The following GRM3 variants were observed in gnomAD, a reference collection of about 807,000 sequenced individuals.
The protein encoded by GRM3 is metabotropic glutamate receptor 3.
GRM3 carries 26 observed loss-of-function variants against 70.5 expected under a neutral mutation model. That is an observed-to-expected ratio of 0.37 (90% CI 0.27 to 0.51). The LOEUF (loss-of-function observed/expected upper bound fraction) is 0.51, where lower values mean the gene tolerates loss of function less well. GRM3 is among the 20% of genes least tolerant of loss of function. The pLI, the probability that GRM3 is intolerant of heterozygous loss-of-function variation, is 0.93. For synonymous variants in GRM3, 443 were observed against 434.9 expected, an observed-to-expected ratio of 1.02 and a Z score of -0.23; for missense variants, 859 against 1,123.8, an observed-to-expected ratio of 0.76 and a Z score of 3.37.
intron 2 of GRM3, among the ~76,000 whole-genome samples, chr7:86,768,963 T>C (rs1796673108): frequency 6.6e-6 from 1 of 152,196 alleles, no homozygotes; most frequent in South Asian, 2.1e-4. Flanking sequence ...TTAAAGTGTG[T>C]TATTCCTTTG....
At chr7:86,689,647 AT>A (rs1794651784) in intron 1 of GRM3, among the ~76,000 whole-genome samples, 1 of 152,138 alleles carries the variant, frequency 6.6e-6, no homozygotes, top group Admixed American at 6.6e-5. Flanking sequence ...TTGGAAAAAA[AT>A]ATAAGATACT....
chr7:86,810,093 T>C (rs1797879909), intron 3 of GRM3, among the ~76,000 whole-genome samples: 1 of 152,076 alleles, frequency 6.6e-6, no homozygotes, highest in Non-Finnish European at 1.5e-5. Flanking sequence ...ACTAGCACTG[T>C]TGCCTTTTCA....
At chr7:86,818,686 C>T (rs1481018157) in intron 3 of GRM3, among the ~76,000 whole-genome samples, 1 of 151,994 alleles carries the variant, frequency 6.6e-6, no homozygotes, top group Non-Finnish European at 1.5e-5. Context: ...ATCCAGTAGA[C>T]TAAAGATATT....
intron 1 of GRM3, among the ~76,000 whole-genome samples, chr7:86,736,017 AC>A (rs1795849084): frequency 6.6e-6 from 1 of 152,212 alleles, no homozygotes; most frequent in Admixed American, 6.5e-5. Flanking sequence ...ACCAGAACTA[AC>A]CCATGGTCTT....
At chr7:86,679,816 G>C (rs1343093840) in intron 1 of GRM3, among the ~76,000 whole-genome samples, 2 of 151,906 alleles carry the variant, frequency 1.3e-5, no homozygotes, top group Non-Finnish European at 2.9e-5. Context: ...CTAAAAATAA[G>C]AATCATTTCA....
chr7:86,823,074 T>C (rs1406101388), intron 3 of GRM3, among the ~76,000 whole-genome samples: 1 of 152,054 alleles, frequency 6.6e-6, no homozygotes, highest in African/African-American at 2.4e-5. Flanking sequence ...TTTTAGAGAA[T>C]TGTGAACCAG....
intron 1 of GRM3, among the ~76,000 whole-genome samples, chr7:86,726,246 C>G (rs1795590707): frequency 6.6e-6 from 1 of 152,160 alleles, no homozygotes; most frequent in Non-Finnish European, 1.5e-5. Flanking sequence ...GGTGTTGGCC[C>G]TCACCCCAAA....
At chr7:86,778,118 C>T (rs1213368350) in intron 2 of GRM3, among the ~76,000 whole-genome samples, 1 of 152,114 alleles carries the variant, frequency 6.6e-6, no homozygotes, top group Non-Finnish European at 1.5e-5. Flanking sequence ...AGGTGAACAG[C>T]AGAGAATAAA....
At chr7:86,703,830 A>C (rs548827655) in intron 1 of GRM3, among the ~76,000 whole-genome samples, 1 of 152,078 alleles carries the variant, frequency 6.6e-6, no homozygotes, top group South Asian at 2.1e-4. Flanking sequence ...AAATGGGCTT[A>C]TAACTTTTTA....
At chr7:86,665,693 A>T (rs932808023) in intron 1 of GRM3, among the ~76,000 whole-genome samples, 1 of 152,052 alleles carries the variant, frequency 6.6e-6, no homozygotes, top group Non-Finnish European at 1.5e-5. Flanking sequence ...GTTTATGAAG[A>T]TTCTATGTGT....
intron 1 of GRM3, among the ~76,000 whole-genome samples, chr7:86,661,346 G>T (rs1793888702): frequency 6.6e-6 from 1 of 151,932 alleles, no homozygotes; most frequent in Non-Finnish European, 1.5e-5. Context: ...CTTTAACTTA[G>T]TGTACTTTGG....
At chr7:86,717,672 G>A (rs1013687541) in intron 1 of GRM3, among the ~76,000 whole-genome samples, 19 of 151,936 alleles carry the variant, frequency 1.3e-4, no homozygotes, top group African/African-American at 4.6e-4. Context: ...TTGCTCTAAA[G>A]GCAAACCACA....
At chr7:86,754,702 G>A (rs573602903) in intron 1 of GRM3, among the ~76,000 whole-genome samples, 1 of 152,168 alleles carries the variant, frequency 6.6e-6, no homozygotes, top group African/African-American at 2.4e-5. Context: ...GAAAGACAGA[G>A]AGAGGCTATT....
rs115158808 is a variant in GRM3 at position 86,645,128 on chromosome 7, G to A, written c.-141+256G>A. Among the ~76,000 whole-genome samples the A allele has an allele frequency of 9.1e-3, 1,383 of 152,294 alleles. 16 individuals are homozygous for A. Among genetic ancestry groups the A allele is most frequent in the African/African-American group, 0.032 (1,320 of 41,560 alleles). On this transcript the variant is annotated intron_variant, in intron 1 of 5. Transcript: ENST00000361669. ...GGGCATAGATCTGCGGCCAGGGTGCGAGAGGTGAAGGGACGAACTAGCACT... is the reference window on the plus strand; with the variant it reads ...GGGCATAGATCTGCGGCCAGGGTGCAAGAGGTGAAGGGACGAACTAGCACT...
chr7:86,738,698 A>T (rs1332369765), intron 1 of GRM3, among the ~76,000 whole-genome samples: 1 of 152,172 alleles, frequency 6.6e-6, no homozygotes, highest in Admixed American at 6.5e-5. Context: ...AGGGTTTTTA[A>T]CTGCTACTGA....
At chr7:86,692,620 T>C (rs1356932349) in intron 1 of GRM3, among the ~76,000 whole-genome samples, 2 of 152,216 alleles carry the variant, frequency 1.3e-5, no homozygotes, top group Non-Finnish European at 2.9e-5. Context: ...AGTATTTCTT[T>C]ATGTGTCTAC....
chr7:86,691,502 G>A (rs1794695366), intron 1 of GRM3, among the ~76,000 whole-genome samples: 1 of 152,124 alleles, frequency 6.6e-6, no homozygotes, highest in Non-Finnish European at 1.5e-5. Flanking sequence ...AAAGAAATAG[G>A]GCATATAGGA....
chr7:86,807,939 G>C (rs1292781455), intron 3 of GRM3, among the ~76,000 whole-genome samples: 1 of 152,160 alleles, frequency 6.6e-6, no homozygotes, highest in African/African-American at 2.4e-5. Context: ...AGTTTATTGA[G>C]AGTTTTTAGC....
chr7:86,791,895 A>G (rs983372310), intron 3 of GRM3, among the ~76,000 whole-genome samples: 14 of 152,206 alleles, frequency 9.2e-5, no homozygotes, highest in Admixed American at 2.6e-4. Flanking sequence ...AAAGTTTCAA[A>G]TCATTTTTTA....
Sources: gnomAD v4.1 joint callset for allele counts (sites outside exome capture counted in the v4.1 genomes callset) on GRCh38, gnomAD v4.1.1 for gene constraint, MANE v1.5 for transcripts, NCBI Gene and HGNC (gene_info 2026-07-23, HGNC 2026-07-21) for gene names.